Variants in ABCD2 observed in about 807,000 individuals in gnomAD.
The protein encoded by ABCD2 is ATP binding cassette subfamily D member 2.
In ABCD2, 36 loss-of-function variants were observed where a neutral mutation model predicts 70.9. That is an observed-to-expected ratio of 0.51 (90% CI 0.39 to 0.67). ABCD2 has a LOEUF of 0.67. Among genes scored for constraint, ABCD2 ranks in the 30% least tolerant of loss-of-function variants. ABCD2 has a pLI of 0.00. For synonymous variants in ABCD2, 304 were observed against 306.9 expected, an observed-to-expected ratio of 0.99 and a Z score of 0.10; for missense variants, 729 against 890.2, an observed-to-expected ratio of 0.82 and a Z score of 2.30.
chr12:39,615,026 A>T (rs1340931745), intron 2 of ABCD2, among the ~76,000 whole-genome samples: 1 of 151,052 alleles, frequency 6.6e-6, no homozygotes, highest in Non-Finnish European at 1.5e-5. Context: ...TGTTTCTTTA[A>T]TTTAATATGG....
chr12:39,588,588 C>T (rs954243332), intron 6 of ABCD2, among the ~76,000 whole-genome samples: 1 of 152,188 alleles, frequency 6.6e-6, no homozygotes, highest in South Asian at 2.1e-4. Context: ...AATACTTTGA[C>T]TTCGGGTGTT....
In ABCD2 at chr12:39,554,136, A is replaced by G. The variant is rs2120517204; in HGVS notation, c.2004-5T>C. 6.3e-7 allele frequency: 1 copy of G among 1,598,892 alleles called. No homozygotes were observed. Among genetic ancestry groups the G allele is most frequent in the Non-Finnish European group, 8.5e-7 (1 of 1,172,246 alleles). ...AATAAATGTGTGTGGTATTTCCTGC[A>G]TAATTAAAATGAAATAATATTATTA... On this transcript the variant is annotated splice_region_variant and splice_polypyrimidine_tract_variant and intron_variant, in intron 9 of 9. Coordinates refer to ENST00000308666, the MANE Select transcript of ABCD2 (RefSeq NM_005164.4).
chr12:39,532,636 T>C, the ABCD2 span, among the ~76,000 whole-genome samples: 1 of 152,160 alleles, frequency 6.6e-6, no homozygotes, highest in Admixed American at 6.5e-5. Flanking sequence ...GACAAAGCTG[T>C]CTATCGCAGT....
chr12:39,545,981 C>T (rs887207565), downstream of ABCD2, among the ~76,000 whole-genome samples: 17 of 152,154 alleles, frequency 1.1e-4, no homozygotes, highest in Admixed American at 3.9e-4. Context: ...TCTATTGAAT[C>T]AAGGAATTAG....
intron 9 of ABCD2, among the ~76,000 whole-genome samples, chr12:39,565,989 A>T (rs1212086678): frequency 6.6e-6 from 1 of 152,150 alleles, no homozygotes; most frequent in Non-Finnish European, 1.5e-5. Context: ...CCACTTGATC[A>T]TGGTGGATAA....
chr12:39,598,561 C>T (rs768089826), intron 6 of ABCD2, among the ~76,000 whole-genome samples: 11 of 151,984 alleles, frequency 7.2e-5, no homozygotes, highest in South Asian at 2.1e-4. Context: ...CCACCACACC[C>T]GGCTAATTTT....
intron 7 of ABCD2, among the ~76,000 whole-genome samples, chr12:39,579,834 C>A (rs1023921702): frequency 2.1e-4 from 32 of 151,836 alleles, no homozygotes; most frequent in African/African-American, 7.0e-4. Flanking sequence ...CTTATACTGA[C>A]AAATGATCTT....
downstream of ABCD2, among the ~76,000 whole-genome samples, chr12:39,547,335 C>G (rs1941034996): frequency 6.6e-6 from 1 of 152,008 alleles, no homozygotes; most frequent in African/African-American, 2.4e-5. Context: ...GGTATATATC[C>G]AAAAGAACTG....
At chr12:39,583,568 T>C (rs1398590633) in intron 7 of ABCD2, among the ~76,000 whole-genome samples, 1 of 152,214 alleles carries the variant, frequency 6.6e-6, no homozygotes, top group Admixed American at 6.5e-5. Context: ...TTTTCTTACA[T>C]AGGTAAACAC....
chr12:39,584,918 T>C (rs1941645289), intron 7 of ABCD2, among the ~76,000 whole-genome samples: 1 of 152,198 alleles, frequency 6.6e-6, no homozygotes, highest in Non-Finnish European at 1.5e-5. Flanking sequence ...TTGGTTACTG[T>C]AGACTTGTAG....
At chr12:39,607,749 T>A in intron 2 of ABCD2, 35 bp from the exon 3 acceptor site, 3 of 1,313,042 alleles carry the variant, frequency 2.3e-6, no homozygotes, top group Non-Finnish European at 3.2e-6. Flanking sequence ...ACTTGAGTTT[T>A]TTTTTTTTTT....
At chr12:39,572,999 T>A (rs1241813638) in intron 9 of ABCD2, among the ~76,000 whole-genome samples, 1 of 152,200 alleles carries the variant, frequency 6.6e-6, no homozygotes, top group Non-Finnish European at 1.5e-5. Context: ...ACAGAGTATG[T>A]GATCATGGAA....
At chr12:39,560,898 A>C (rs913903704) in intron 9 of ABCD2, among the ~76,000 whole-genome samples, 1 of 152,172 alleles carries the variant, frequency 6.6e-6, no homozygotes, top group African/African-American at 2.4e-5. Context: ...AAAAATCTGT[A>C]GTAGACGCAC....
intron 9 of ABCD2, among the ~76,000 whole-genome samples, chr12:39,559,505 C>CAG (rs1450160526): frequency 7.3e-5 from 11 of 151,060 alleles, no homozygotes; most frequent in African/African-American, 2.2e-4. Context: ...AATCTGGAGA[C>CAG]ATATAACTAT....
intron 8 of ABCD2, among the ~76,000 whole-genome samples, chr12:39,575,082 A>G (rs549607430): frequency 4.6e-5 from 7 of 152,290 alleles, no homozygotes; most frequent in Admixed American, 3.9e-4. Context: ...TGTTTTGTGG[A>G]TGAATGATAT....
chr12:39,602,125 A>AATTTT, intron 5 of ABCD2, among the ~76,000 whole-genome samples: 2 of 139,112 alleles, frequency 1.4e-5, no homozygotes, highest in South Asian at 4.6e-4. Context: ...ATTTTTTAAA[A>AATTTT]ATTTTATTTA....
chr12:39,536,474 A>G, the ABCD2 span, among the ~76,000 whole-genome samples: 1 of 152,210 alleles, frequency 6.6e-6, no homozygotes, highest in Admixed American at 6.5e-5. Flanking sequence ...AACTGTTCAT[A>G]AACCGGTTCT....
chr12:39,544,502 A>G, the ABCD2 span, among the ~76,000 whole-genome samples: 2 of 152,160 alleles, frequency 1.3e-5, no homozygotes, highest in East Asian at 3.9e-4. Flanking sequence ...TAAACTATAA[A>G]CTAAGTTTAT....
chr12:39,537,640 T>C, the ABCD2 span, among the ~76,000 whole-genome samples: 7 of 152,194 alleles, frequency 4.6e-5, no homozygotes, highest in African/African-American at 1.4e-4. Context: ...GTGCTAGCAA[T>C]AATGCTAGCT....
Sources: gnomAD v4.1 joint callset for allele counts (sites outside exome capture counted in the v4.1 genomes callset) on GRCh38, gnomAD v4.1.1 for gene constraint, MANE v1.5 for transcripts, NCBI Gene and HGNC (gene_info 2026-07-23, HGNC 2026-07-21) for gene names.